The following HOMER1 variants were observed in gnomAD, a reference collection of about 807,000 sequenced individuals.
The protein encoded by HOMER1 is homer protein homolog 1.
Under a neutral mutation model 48.9 loss-of-function variants are expected in HOMER1, and 3 were observed. The observed-to-expected ratio is 0.06, with a 90% CI of 0.03 to 0.16. The LOEUF (loss-of-function observed/expected upper bound fraction) is 0.16. Ranked by LOEUF, HOMER1 falls within the 10% of genes least tolerant of loss-of-function variation. The pLI is 1.00. For missense variants in HOMER1, 247 were observed against 411.4 expected, an observed-to-expected ratio of 0.60 and a Z score of 3.46; for synonymous variants, 134 against 146.4, an observed-to-expected ratio of 0.92 and a Z score of 0.61.
chr5:79,496,513 T>C (rs961751613), intron 1 of HOMER1, among the ~76,000 whole-genome samples: 1 of 152,128 alleles, frequency 6.6e-6, no homozygotes, highest in Non-Finnish European at 1.5e-5. Context: ...TGAAGTGTCA[T>C]AGAAAAACTT....
chr5:79,385,302 A>G lies in HOMER1; in HGVS notation c.877-9105T>C, dbSNP rs139273446. ...AAAGCTTCTGCACAGCAAAGGAAAC[A>G]ACAAAGAGACAACCTGTTGAATGGG... is the stretch of plus-strand genomic sequence containing the variant. On this transcript the variant is annotated intron_variant, in intron 8 of 8. Coordinates refer to ENST00000334082, the MANE Select transcript of HOMER1 (RefSeq NM_004272.5). Among the ~76,000 whole-genome samples the G allele has an allele frequency of 1.5e-4, 23 of 152,290 alleles. No homozygotes were observed. In the East Asian group the frequency reaches 4.4e-3, roughly 29 times the overall value.
At chr5:79,506,942 G>A (rs768882909) in intron 1 of HOMER1, among the ~76,000 whole-genome samples, 9 of 151,774 alleles carry the variant, frequency 5.9e-5, no homozygotes, top group Non-Finnish European at 1.2e-4. Flanking sequence ...GGCAGGGCGC[G>A]GTGGCTCATG....
At chr5:79,382,314 G>A (rs1749003588) in intron 8 of HOMER1, among the ~76,000 whole-genome samples, 1 of 152,102 alleles carries the variant, frequency 6.6e-6, no homozygotes, top group African/African-American at 2.4e-5. Flanking sequence ...GAAGCTCTGA[G>A]ATCCCCAAAC....
chr5:79,432,633 T>A (rs1750456135), intron 5 of HOMER1, among the ~76,000 whole-genome samples: 1 of 152,166 alleles, frequency 6.6e-6, no homozygotes, highest in African/African-American at 2.4e-5. Flanking sequence ...CTTTAGAGAA[T>A]GAAGGTCAGT....
Position 79,414,855 on chromosome 5 carries a change from A to G in HOMER1, c.528-12800T>C, listed in dbSNP as rs545346695. The stretch of plus-strand genomic sequence containing the variant: ...CATAGCCTGGCATGTCTGGATCAAC[A>G]TACAATATAGTTGGCTATAGGTAAA... On this transcript the variant is annotated intron_variant, in intron 5 of 8. Coordinates refer to ENST00000334082, the MANE Select transcript of HOMER1 (RefSeq NM_004272.5). Among the ~76,000 whole-genome samples the G allele has an allele frequency of 3.3e-5, 5 of 152,250 alleles. No individual in the cohort carries two copies. The South Asian group carries it at 1.0e-3, about 32-fold the overall frequency.
intron 6 of HOMER1, among the ~76,000 whole-genome samples, chr5:79,400,914 A>T (rs957282253): frequency 3.8e-5 from 5 of 132,776 alleles, no homozygotes; most frequent in East Asian, 2.1e-4. Context: ...TTGGTTAATT[A>T]AAAAAAAAAA....
At chr5:79,473,461 G>A (rs975757615) in intron 1 of HOMER1, among the ~76,000 whole-genome samples, 1 of 152,152 alleles carries the variant, frequency 6.6e-6, no homozygotes, top group Non-Finnish European at 1.5e-5. Context: ...GTATTTGGCA[G>A]ACATTCCACA....
chr5:79,382,800 CGAACAATAG>C (rs1200787681), intron 8 of HOMER1, among the ~76,000 whole-genome samples: 1 of 152,006 alleles, frequency 6.6e-6, no homozygotes, highest in Non-Finnish European at 1.5e-5. Flanking sequence ...ATCACAATGA[CGAACAATAG>C]GAGAAAAAGG....
intron 6 of HOMER1, chr5:79,397,868 CTTAAA>C (rs1285612971): frequency 6.6e-6 from 2 of 302,944 alleles, no homozygotes; most frequent in East Asian, 1.2e-4. Flanking sequence ...GTTAGGATAA[CTTAAA>C]TTAAGTGATT....
intron 2 of HOMER1, among the ~76,000 whole-genome samples, chr5:79,452,996 T>C (rs1197614602): frequency 1.3e-5 from 2 of 152,208 alleles, no homozygotes; most frequent in Non-Finnish European, 2.9e-5. Flanking sequence ...TTATTCAACT[T>C]TAATTGAGTA....
chr5:79,376,307 G>A (rs1192413519), intron 8 of HOMER1, 110 bp from the exon 9 acceptor site: 5 of 754,840 alleles, frequency 6.6e-6, no homozygotes, highest in African/African-American at 5.3e-5. Context: ...TGACTGTCAG[G>A]ATGAGCTGCA....
chr5:79,464,499 G>A (rs1751401066), intron 1 of HOMER1, among the ~76,000 whole-genome samples: 1 of 152,196 alleles, frequency 6.6e-6, no homozygotes, highest in South Asian at 2.1e-4. Context: ...AATGGCTGGA[G>A]AATTTAGTTT....
chr5:79,495,694 T>G (rs1472128914), intron 1 of HOMER1, among the ~76,000 whole-genome samples: 3 of 152,216 alleles, frequency 2.0e-5, no homozygotes, highest in Non-Finnish European at 4.4e-5. Context: ...TAGGTTTGGG[T>G]TGATGATCAA....
chr5:79,429,293 T>C (rs1188099946), intron 5 of HOMER1, among the ~76,000 whole-genome samples: 1 of 152,084 alleles, frequency 6.6e-6, no homozygotes. Flanking sequence ...GAAAATCGCT[T>C]GAACCCAGGA....
chr5:79,421,256 T>A (rs894391646), intron 5 of HOMER1, among the ~76,000 whole-genome samples: 1 of 152,240 alleles, frequency 6.6e-6, no homozygotes, highest in Non-Finnish European at 1.5e-5. Context: ...CCAGATGCTG[T>A]AAGGTTGAGA....
At chr5:79,459,861 T>C (rs1322922155) in intron 1 of HOMER1, among the ~76,000 whole-genome samples, 2 of 152,150 alleles carry the variant, frequency 1.3e-5, no homozygotes, top group Non-Finnish European at 2.9e-5. Flanking sequence ...AAGTACATTG[T>C]GTAGCAAGAA....
chr5:79,475,563 CAT>C (rs772048834), intron 1 of HOMER1, among the ~76,000 whole-genome samples: 7 of 151,808 alleles, frequency 4.6e-5, no homozygotes, highest in East Asian at 1.9e-4. Flanking sequence ...CAGAATACCA[CAT>C]GTGATAAAAT....
chr5:79,500,943 G>GTGTGTGTGTGTT (rs1752560960), intron 1 of HOMER1, among the ~76,000 whole-genome samples: 1 of 116,670 alleles, frequency 8.6e-6, no homozygotes, highest in Admixed American at 8.2e-5. Flanking sequence ...GTGTGTGTGT[G>GTGTGTGTGTGTT]TGTGTGTGTG....
chr5:79,387,069 T>TTCTCTCTCTCTC (rs766145471), intron 8 of HOMER1, among the ~76,000 whole-genome samples: 188 of 132,338 alleles, frequency 1.4e-3, no homozygotes, highest in Admixed American at 9.4e-3. Context: ...TTTCCTTTCT[T>TTCTCTCTCTCTC]TCTCTATCTC....
Sources: gnomAD v4.1 joint callset for allele counts (sites outside exome capture counted in the v4.1 genomes callset) on GRCh38, gnomAD v4.1.1 for gene constraint, MANE v1.5 for transcripts, NCBI Gene and HGNC (gene_info 2026-07-23, HGNC 2026-07-21) for gene names.